Variants in TULP2 observed in about 807,000 individuals in gnomAD.
The protein encoded by TULP2 is TUB like protein 2.
A neutral mutation model predicts 60.3 loss-of-function variants in TULP2; 64 were observed. The ratio of observed to expected loss-of-function variants is 1.06; its 90% CI spans 0.87 to 1.31. The LOEUF (loss-of-function observed/expected upper bound fraction) is 1.31. TULP2 is among the 50% of genes most tolerant of loss of function. TULP2 has a pLI of 0.00. For synonymous variants in TULP2, 267 were observed against 265.4 expected, an observed-to-expected ratio of 1.01 and a Z score of -0.06; for missense variants, 652 against 667.0, an observed-to-expected ratio of 0.98 and a Z score of 0.25.
At position 48,895,062 on chromosome 19, in the gene TULP2, A is replaced by T. The variant is rs1358261477; in HGVS notation, c.450T>A (p.Ser150=). 1.9e-6 allele frequency: 3 copies of T among 1,614,038 alleles called. No individual in the cohort carries two copies. Among genetic ancestry groups the T allele is most frequent in the East Asian group, 2.2e-5 (1 of 44,876 alleles). ...EEVSVENGSV[S]PPPFKQSPRI... is the part of the protein sequence containing the mutation. ...TCGGAGACTGTTTAAAAGGTGGGGG[A>T]GAGACGGAACCATTCTCCACGGAGA... Residue 150 remains serine (S), a synonymous_variant, in exon 6 of 13, where the codon TCT becomes TCA. Transcript: ENST00000221399.
In TULP2 at chr19:48,889,492, G is replaced by A; in HGVS notation, c.636+18C>T. 2 of 1,568,884 alleles carry A rather than the reference G, an allele frequency of 1.3e-6. No homozygotes were observed. Among genetic ancestry groups the A allele is most frequent in the Non-Finnish European group, 1.7e-6 (2 of 1,145,748 alleles). ...GCCCTCTTCTTCCAATATCCTGAGT[G>A]ATTGTGCATTTTCCTACCTTTTGGA... On this transcript the variant is annotated intron_variant, in intron 7 of 12. Transcript: ENST00000221399.
chr19:48,895,142 G>A lies in TULP2; in HGVS notation c.370C>T (p.Gln124Ter), dbSNP rs754084076. Reference protein sequence around the residue: ...TEAVFRNLGLQSPFLSWLPDN... With the variant: ...TEAVFRNLGL ...GGGAGCCAGGATAAGAAAGGGGACT[G>A]GAGACCGAGATTCCTGAACACTGAG... Residue 124 changes from glutamine (Q) to a stop codon, truncating the protein, a stop_gained, in exon 6 of 13, where the codon CAG (glutamine) becomes TAG (stop). Coordinates refer to ENST00000221399, the MANE Select transcript of TULP2 (RefSeq NM_003323.3). LOFTEE classifies it high-confidence loss of function. 1 of 1,613,770 alleles carries A rather than the reference G, an allele frequency of 6.2e-7. No homozygotes were observed. The highest frequency in any genetic ancestry group is 8.5e-7 in the Non-Finnish European group (1 of 1,179,898).
chr19:48,892,240 C>T (rs1466643703), intron 6 of TULP2, among the ~76,000 whole-genome samples: 1 of 152,232 alleles, frequency 6.6e-6, no homozygotes, highest in Non-Finnish European at 1.5e-5. Context: ...CTGTCTCAGT[C>T]GGGGAAATCC....
intron 6 of TULP2, among the ~76,000 whole-genome samples, chr19:48,893,438 C>T (rs2037251741): frequency 6.6e-6 from 1 of 151,878 alleles, no homozygotes; most frequent in Non-Finnish European, 1.5e-5. Flanking sequence ...TATACGATTC[C>T]ATTTGTGTGA....
chr19:48,888,102 G>C lies in TULP2; in HGVS notation c.796C>G (p.Pro266Ala), dbSNP rs1009723422. 5 of 1,614,212 alleles carry C rather than the reference G, an allele frequency of 3.1e-6. No homozygotes were observed. Among genetic ancestry groups the C allele is most frequent in the Non-Finnish European group, 4.2e-6 (5 of 1,180,034 alleles). ...GCTTCCATGTCCTCCTCCAGCCCAG[G>C]GCAGGGGGAGCGGATTGCCAAGGAG... The part of the protein sequence containing the change: ...EASLAIRSPC[P>A]GLEEDMEAYV... Residue 266 changes from proline to alanine, a missense_variant, in exon 8 of 13, where the codon CCT (proline) becomes GCT (alanine). Physicochemically the swap from Pro to Ala is conservative, Grantham distance 27. Transcript: ENST00000221399.
intron 8 of TULP2, 75 bp from the exon 9 acceptor site, chr19:48,885,635 G>A (rs2037173103): frequency 1.4e-6 from 2 of 1,402,116 alleles, no homozygotes; most frequent in South Asian, 1.2e-5. Context: ...TGTAATCCCT[G>A]CACTTTGGGA....
In TULP2 at chr19:48,897,308, G is replaced by T. The variant is rs768772764; in HGVS notation, c.84+37C>A. On this transcript the variant is annotated intron_variant, in intron 3 of 12. Transcript: ENST00000221399. This position sits in a 1 kb window ranked among gnomAD's most constrained non-coding sequence, Gnocchi z 4.0. ...AGGCCCCTGGGGAGGCACAGAAGGC[G>T]GAAGAGTTGGAGTGGTGAGATTCCT... 6.2e-7 allele frequency: 1 copy of T among 1,610,676 alleles called. No individual in the cohort carries two copies. Among genetic ancestry groups the T allele is most frequent in the Non-Finnish European group, 8.5e-7 (1 of 1,178,136 alleles).
chr19:48,888,133 G>C lies in TULP2; in HGVS notation c.765C>G (p.His255Gln). The change falls in exon 8 of 13, where the codon CAC becomes CAG. Residue 255 changes from histidine (H) to glutamine (Q), a missense_variant. Physicochemically the swap from His to Gln is conservative, Grantham distance 24. Coordinates refer to ENST00000221399, the MANE Select transcript of TULP2 (RefSeq NM_003323.3). ...GGGAGCGGATTGCCAAGGAGGCTTC[G>C]TGCCTCATATGGTCGCTGTCCGTGC... ...EGGTDSDHMR[H>Q]EASLAIRSPC... 6.2e-7 allele frequency: 1 copy of C among 1,614,172 alleles called. No homozygotes were observed.
chr19:48,885,552 G>A lies in TULP2; in HGVS notation c.957C>T (p.Leu319=). The change falls in exon 9 of 13, where the codon CTC becomes CTT. Residue 319 remains leucine, a synonymous_variant. Coordinates refer to ENST00000221399, the MANE Select transcript of TULP2 (RefSeq NM_003323.3). ...LETSDSLQRF[L]LAGRKRRRSK... is the part of the protein sequence containing the mutation. Reference sequence around the variant, plus strand: ...TCCTTCTTCTCTTTCGCCCAGCCAGGAGGAAGCGCTATGGATGAGAGGAAC... The same window carrying A: ...TCCTTCTTCTCTTTCGCCCAGCCAGAAGGAAGCGCTATGGATGAGAGGAAC... The A allele has an allele frequency of 6.2e-7, 1 of 1,613,842 alleles. No homozygotes were observed. Among genetic ancestry groups the A allele is most frequent in the South Asian group, 1.1e-5 (1 of 91,088 alleles).
At chr19:48,881,187 CTG>C in intron 12 of TULP2, 61 bp from the exon 13 acceptor site, 1 of 683,614 alleles carries the variant, frequency 1.5e-6, no homozygotes, top group South Asian at 1.9e-5. Flanking sequence ...GCTTCGAGAA[CTG>C]AGACTTTTTT....
chr19:48,892,556 T>G (rs951636370), intron 6 of TULP2, among the ~76,000 whole-genome samples: 76 of 150,820 alleles, frequency 5.0e-4, no homozygotes, highest in Non-Finnish European at 7.8e-4. Flanking sequence ...CAGGCTGGAG[T>G]GCAGTGGCGC....
intron 6 of TULP2, among the ~76,000 whole-genome samples, chr19:48,892,452 G>GGGTT (rs1384526265): frequency 6.6e-6 from 1 of 152,170 alleles, no homozygotes; most frequent in East Asian, 1.9e-4. Flanking sequence ...TGTGAGCACA[G>GGGTT]GGTTGGGACA....
chr19:48,892,515 T>TGGGG (rs371148187), intron 6 of TULP2, among the ~76,000 whole-genome samples: 1 of 134,260 alleles, frequency 7.4e-6, no homozygotes, highest in South Asian at 2.4e-4. Flanking sequence ...TTTTTTTTTT[T>TGGGG]GGGGGGGGGA....
chr19:48,883,783 T>C lies in TULP2; in HGVS notation c.1246A>G (p.Asn416Asp). Residue 416 changes from asparagine to aspartate, a missense_variant, in exon 11 of 13, where the codon AAC (asparagine) becomes GAC (aspartate). Coordinates refer to ENST00000221399, the MANE Select transcript of TULP2 (RefSeq NM_003323.3). ...AGTGGCTGGACATTGATTCGCTGGT[T>C]CTGGCTGTTGGTTCCTGGGAGAATC... ...TVILPGTNSQ[N>D]QRINVQPLNE... The C allele has an allele frequency of 6.2e-7, 1 of 1,614,128 alleles. No homozygotes were observed. Among genetic ancestry groups the C allele is most frequent in the Non-Finnish European group, 8.5e-7 (1 of 1,180,034 alleles).
chr19:48,881,254 G>C (rs1255481028), intron 12 of TULP2, 128 bp from the exon 13 acceptor site: 1 of 591,006 alleles, frequency 1.7e-6, no homozygotes, highest in Admixed American at 3.3e-5. Flanking sequence ...CTGTCGCCCA[G>C]GCTGGAGTGC....
At chr19:48,891,570 G>C (rs1218233840) in intron 6 of TULP2, among the ~76,000 whole-genome samples, 1 of 152,166 alleles carries the variant, frequency 6.6e-6, no homozygotes, top group Non-Finnish European at 1.5e-5. Context: ...GGCAGAGGTT[G>C]CAGTGAGCCG....
Position 48,895,450 on chromosome 19 carries a change from CA to C in TULP2, c.264del (p.Gly89AlafsTer9). ...ACGGTGCCCAGGGCACTGTGGATGC[CA>C]GAGGGCAGATGTGCCTCTGACACTT... ...RKKVSEAHLP[S>X]GIHSALGTVS... On this transcript the variant is annotated frameshift_variant, in exon 5 of 13. Transcript: ENST00000221399. LOFTEE classifies it high-confidence loss of function. 1 of 1,613,624 alleles carries C rather than the reference CA, an allele frequency of 6.2e-7. No individual in the cohort carries two copies. The highest frequency in any genetic ancestry group is 8.5e-7 in the Non-Finnish European group (1 of 1,179,740).
intron 6 of TULP2, among the ~76,000 whole-genome samples, chr19:48,890,738 C>G (rs1237821275): frequency 6.6e-6 from 1 of 152,140 alleles, no homozygotes; most frequent in Non-Finnish European, 1.5e-5. Flanking sequence ...CCCTCACTTG[C>G]AACAACCTCC....
chr19:48,882,140 T>G lies in TULP2; in HGVS notation c.1339A>C (p.Asn447His), dbSNP rs761694509. Residue 447 changes from asparagine to histidine, a missense_variant, in exon 12 of 13, where the codon AAC becomes CAC. Transcript: ENST00000221399. Reference sequence around the variant, plus strand: ...TCCTTGTCCCACGACGGGGTTTTGTTGTGCAACAAAAGCAACCCTTGTTTG... The same window carrying G: ...TCCTTGTCCCACGACGGGGTTTTGTGGTGCAACAAAAGCAACCCTTGTTTG... ...GDKQGLLLLH[N>H]KTPSWDKENG... 6.2e-7 allele frequency: 1 copy of G among 1,614,192 alleles called. No individual in the cohort carries two copies. The highest frequency in any genetic ancestry group is 1.3e-5 in the African/African-American group (1 of 75,044).
Sources: allele counts gnomAD v4.1 joint callset (sites outside exome capture counted in the v4.1 genomes callset), GRCh38; gene constraint gnomAD v4.1.1; non-coding constraint Gnocchi (gnomAD v3.1); transcripts MANE v1.5; gene names NCBI Gene and HGNC (gene_info 2026-07-23, HGNC 2026-07-21).